AKAP6: variants seen among roughly 807,000 people sequenced by gnomAD.
AKAP6 encodes the protein A-kinase anchor protein 6.
A neutral mutation model predicts 188.5 loss-of-function variants in AKAP6; 58 were observed. The observed-to-expected ratio is 0.31, with a 90% CI of 0.25 to 0.38. AKAP6 has a LOEUF of 0.38. Among genes scored for constraint, AKAP6 ranks in the 10% least tolerant of loss-of-function variants. AKAP6 has a pLI of 1.00. For synonymous variants in AKAP6, 989 were observed against 998.6 expected, an observed-to-expected ratio of 0.99 and a Z score of 0.18; for missense variants, 2,710 against 2,740.0, an observed-to-expected ratio of 0.99 and a Z score of 0.24.
chr14:32,433,423 A>T, intron 1 of AKAP6, 37 bp from the exon 2 acceptor site: 1 of 1,380,866 alleles, frequency 7.2e-7, no homozygotes, highest in Non-Finnish European at 1.0e-6. Context: ...GGCAATCTTG[A>T]CTGACTCTTG....
chr14:32,364,686 A>G (rs1887772623), intron 1 of AKAP6, among the ~76,000 whole-genome samples: 1 of 152,082 alleles, frequency 6.6e-6, no homozygotes, highest in African/African-American at 2.4e-5. Flanking sequence ...ATTTCAAGGA[A>G]AGGAGATATG....
intron 9 of AKAP6, among the ~76,000 whole-genome samples, chr14:32,706,899 G>A (rs1038168105): frequency 1.3e-5 from 2 of 152,012 alleles, no homozygotes; most frequent in Non-Finnish European, 2.9e-5. Context: ...CACTTCTAAA[G>A]TTTCTCAAAC....
At chr14:32,674,544 G>A (rs1889348722) in intron 7 of AKAP6, among the ~76,000 whole-genome samples, 1 of 152,146 alleles carries the variant, frequency 6.6e-6, no homozygotes, top group African/African-American at 2.4e-5. Flanking sequence ...AAGAGGAAGA[G>A]TCAAGAATGA....
chr14:32,476,134 G>A (rs577057568), intron 2 of AKAP6, among the ~76,000 whole-genome samples: 2 of 151,990 alleles, frequency 1.3e-5, no homozygotes, highest in African/African-American at 4.8e-5. Flanking sequence ...ACATATTTTT[G>A]TGATATATTT....
chr14:32,643,315 C>CT lies in AKAP6; in HGVS notation c.2731-34985dup, dbSNP rs961032558. On this transcript the variant is annotated intron_variant, in intron 7 of 13. Transcript: ENST00000280979. ...TTTTCTTCATACATTCTTTTCTTTT[C>CT]TTTTTTTTTTTAGACGGAGTCTCAC... 2.2e-3 allele frequency among the ~76,000 whole-genome samples: 314 copies of CT among 145,830 alleles called. 1 individual carries two copies. The highest frequency in any genetic ancestry group is 5.5e-3 in the African/African-American group (219 of 40,104).
At chr14:32,739,373 A>G (rs1184635517) in intron 11 of AKAP6, among the ~76,000 whole-genome samples, 1 of 152,092 alleles carries the variant, frequency 6.6e-6, no homozygotes, top group Non-Finnish European at 1.5e-5. Context: ...TATGTTACAA[A>G]CAATCCAATT....
chr14:32,815,479 T>C (rs1421865772), intron 12 of AKAP6, among the ~76,000 whole-genome samples: 1 of 152,214 alleles, frequency 6.6e-6, no homozygotes, highest in African/African-American at 2.4e-5. Context: ...GTTCTTGAGC[T>C]ATGGGCCTTG....
At chr14:32,695,936 A>G in intron 8 of AKAP6, 54 bp from the exon 9 acceptor site, 1 of 1,552,062 alleles carries the variant, frequency 6.4e-7, no homozygotes, top group Non-Finnish European at 8.7e-7. Context: ...CTAATATAAG[A>G]TTTTAACAAC....
At chr14:32,348,967 G>A (rs926619496) in intron 1 of AKAP6, among the ~76,000 whole-genome samples, 14 of 152,062 alleles carry the variant, frequency 9.2e-5, no homozygotes, top group East Asian at 1.9e-4. Flanking sequence ...TGGGATTCCC[G>A]GCAGCCCCTC....
At chr14:32,807,004 T>C (rs965694903) in intron 12 of AKAP6, among the ~76,000 whole-genome samples, 1 of 151,448 alleles carries the variant, frequency 6.6e-6, no homozygotes, top group African/African-American at 2.4e-5. Context: ...CCGTGAGCCA[T>C]GATGGCCCCA....
chr14:32,722,887 C>G, intron 9 of AKAP6, among the ~76,000 whole-genome samples: 1 of 152,172 alleles, frequency 6.6e-6, no homozygotes, highest in East Asian at 1.9e-4. Flanking sequence ...ATCAAGCTGA[C>G]TCTTCGCTAA....
In AKAP6 at chr14:32,524,798, A is replaced by G. The variant is rs1369750096; in HGVS notation, c.325-10756A>G. Reference sequence around the variant, plus strand: ...CGTAGTTCCCACTTCAGCATCAGTCAGCCTAGACAGATGACCCATTTCTGG... The same window carrying G: ...CGTAGTTCCCACTTCAGCATCAGTCGGCCTAGACAGATGACCCATTTCTGG... On this transcript the variant is annotated intron_variant, in intron 2 of 13. Coordinates refer to ENST00000280979, the MANE Select transcript of AKAP6 (RefSeq NM_004274.5). 2.6e-5 allele frequency among the ~76,000 whole-genome samples: 4 copies of G among 152,310 alleles called. No homozygotes were observed. In the East Asian group the frequency reaches 5.8e-4, roughly 22 times the overall value.
chr14:32,589,809 A>G (rs754525276), intron 5 of AKAP6, among the ~76,000 whole-genome samples: 3 of 152,194 alleles, frequency 2.0e-5, no homozygotes, highest in Admixed American at 1.3e-4. Flanking sequence ...TTAGGGCAGT[A>G]TTATACAAAG....
chr14:32,732,776 A>AT (rs57844406), intron 10 of AKAP6, 176 bp downstream of exon 10: 65,930 of 509,618 alleles, frequency 0.13, 1,975 homozygotes, highest in East Asian at 0.4. Context: ...TCTTCTGTTG[A>AT]TTTTTTTTTT....
At chr14:32,452,047 G>A (rs1190641323) in intron 2 of AKAP6, among the ~76,000 whole-genome samples, 18 of 64,534 alleles carry the variant, frequency 2.8e-4, no homozygotes, top group African/African-American at 1.0e-3. Context: ...TTTGAGACAT[G>A]GTATTGCTCT....
chr14:32,345,003 G>C (rs1887022172), intron 1 of AKAP6, among the ~76,000 whole-genome samples: 1 of 151,966 alleles, frequency 6.6e-6, no homozygotes, highest in Non-Finnish European at 1.5e-5. Context: ...GGCTCAGAGA[G>C]GAGGCTTGGA....
At chr14:32,401,535 A>C (rs1308558298) in intron 1 of AKAP6, among the ~76,000 whole-genome samples, 1 of 152,206 alleles carries the variant, frequency 6.6e-6, no homozygotes, top group Non-Finnish European at 1.5e-5. Context: ...AAAATTGTGA[A>C]TCTCTTGAAA....
At chr14:32,816,991 T>A (rs1331461972) in intron 12 of AKAP6, among the ~76,000 whole-genome samples, 2 of 152,144 alleles carry the variant, frequency 1.3e-5, no homozygotes, top group Non-Finnish European at 2.9e-5. Flanking sequence ...TCCTAGTCTT[T>A]TTGAGATTTT....
intron 1 of AKAP6, among the ~76,000 whole-genome samples, chr14:32,399,363 T>C (rs1322274907): frequency 2.0e-5 from 3 of 152,180 alleles, no homozygotes; most frequent in Admixed American, 2.0e-4. Flanking sequence ...TAAAACATGA[T>C]AAAGAGGTTC....
Sources: gnomAD v4.1 joint callset for allele counts (sites outside exome capture counted in the v4.1 genomes callset) on GRCh38, gnomAD v4.1.1 for gene constraint, MANE v1.5 for transcripts, NCBI Gene and HGNC (gene_info 2026-07-23, HGNC 2026-07-21) for gene names.